The following ZNF362 variants were observed in gnomAD, a reference collection of about 807,000 sequenced individuals.
The protein encoded by ZNF362 is zinc finger protein 362.
In ZNF362, 11 loss-of-function variants were observed where a neutral mutation model predicts 42.9. The ratio of observed to expected loss-of-function variants is 0.26; its 90% confidence interval spans 0.16 to 0.42. The LOEUF is 0.42. Among genes scored for constraint, ZNF362 ranks in the 20% least tolerant of loss-of-function variants. The pLI, the probability that ZNF362 is intolerant of heterozygous loss-of-function variation, is 1.00. For missense variants in ZNF362, 362 were observed against 576.2 expected, an observed-to-expected ratio of 0.63 and a Z score of 3.81; for synonymous variants, 255 against 257.3, an observed-to-expected ratio of 0.99 and a Z score of 0.09.
chr1:33,192,064 G>T, the ZNF362 span, among the ~76,000 whole-genome samples: 12 of 152,154 alleles, frequency 7.9e-5, no homozygotes, highest in African/African-American at 2.7e-4. Context: ...AGACCTATCT[G>T]CCCTCCAGCT....
chr1:33,288,741 C>T (rs1206110018), intron 6 of ZNF362, among the ~76,000 whole-genome samples: 2 of 962 alleles, frequency 2.1e-3, no homozygotes, highest in African/African-American at 3.1e-3. Context: ...GAGACTCTGT[C>T]TCAAAAAAAA....
At chr1:33,176,504 G>A in the ZNF362 span, 41 of 670,180 alleles carry the variant, frequency 6.1e-5, no homozygotes, top group African/African-American at 2.3e-4. Context: ...TGGAGGGGGC[G>A]GCTGAGACTG....
At chr1:33,253,653 C>T (rs1175793888), upstream of ZNF362, among the ~76,000 whole-genome samples, 1 of 152,068 alleles carries the variant, frequency 6.6e-6, no homozygotes, top group Non-Finnish European at 1.5e-5. Context: ...CTTCAGGATC[C>T]TGTCTCCCAT....
the ZNF362 span, among the ~76,000 whole-genome samples, chr1:33,246,394 T>C: frequency 1.3e-5 from 2 of 152,158 alleles, no homozygotes; most frequent in African/African-American, 2.4e-5. Context: ...GCTTGGGTTA[T>C]GTGACCCGCT....
the ZNF362 span, among the ~76,000 whole-genome samples, chr1:33,149,053 C>T: frequency 2.6e-5 from 4 of 152,190 alleles, no homozygotes; most frequent in African/African-American, 9.7e-5. Flanking sequence ...TGCAACCACC[C>T]CCAGAGGCTC....
chr1:33,187,850 G>C, the ZNF362 span, among the ~76,000 whole-genome samples: 1 of 152,236 alleles, frequency 6.6e-6, no homozygotes, highest in African/African-American at 2.4e-5. Flanking sequence ...AAAGGTGAGA[G>C]AGGCCACTCA....
rs148174301 is a variant in ZNF362, at chr1:33,283,799, G to T, written c.908+1988G>T. On this transcript the variant is annotated intron_variant, in intron 6 of 8. Coordinates refer to ENST00000539719, the MANE Select transcript of ZNF362 (RefSeq NM_152493.3). ...CGTTACCATGCCTCCCAAGGCACAA[G>T]TCTGACCATGTAAGTTAGTTTCAGC... is the stretch of plus-strand genomic sequence containing the variant. Among the ~76,000 whole-genome samples the T allele has an allele frequency of 4.6e-4, 70 of 152,340 alleles. No individual in the cohort carries two copies. The East Asian group carries it at 0.013, about 29-fold the overall frequency.
chr1:33,214,819 T>C, the ZNF362 span, among the ~76,000 whole-genome samples: 3 of 152,144 alleles, frequency 2.0e-5, no homozygotes, highest in Non-Finnish European at 2.9e-5. Flanking sequence ...CCAGTTAAAA[T>C]GGCTTTCACT....
intron 6 of ZNF362, chr1:33,282,092 T>G: frequency 2.2e-6 from 1 of 461,394 alleles, no homozygotes; most frequent in Non-Finnish European, 4.0e-6. Flanking sequence ...CCTCTCTCAG[T>G]CTAGCTTCCT....
chr1:33,183,007 ACAGCACT>A, the ZNF362 span, among the ~76,000 whole-genome samples: 5 of 152,198 alleles, frequency 3.3e-5, no homozygotes, highest in South Asian at 1.0e-3. Flanking sequence ...CTGCGGATGC[ACAGCACT>A]CAGCACACAG....
intron 6 of ZNF362, among the ~76,000 whole-genome samples, chr1:33,288,220 C>T (rs1328671084): frequency 1.3e-5 from 2 of 152,272 alleles, no homozygotes; most frequent in South Asian, 2.1e-4. Context: ...TAAGAGGTGG[C>T]AGAAGCAAGA....
At chr1:33,184,555 C>G in the ZNF362 span, among the ~76,000 whole-genome samples, 1 of 152,120 alleles carries the variant, frequency 6.6e-6, no homozygotes, top group Non-Finnish European at 1.5e-5. Flanking sequence ...TTTCTCTTCT[C>G]TTGAGTTGGA....
the ZNF362 span, among the ~76,000 whole-genome samples, chr1:33,219,791 A>G: frequency 6.6e-6 from 1 of 152,212 alleles, no homozygotes; most frequent in South Asian, 2.1e-4. Flanking sequence ...CATCTCTCAC[A>G]CCTGAAAAAC....
the ZNF362 span, among the ~76,000 whole-genome samples, chr1:33,243,251 G>A: frequency 2.6e-5 from 4 of 152,124 alleles, no homozygotes; most frequent in Non-Finnish European, 4.4e-5. Flanking sequence ...CCGCCTCCTG[G>A]GTTCAAGTGA....
intron 4 of ZNF362, among the ~76,000 whole-genome samples, chr1:33,278,844 G>A (rs931166445): frequency 3.3e-5 from 5 of 152,102 alleles, no homozygotes; most frequent in African/African-American, 1.2e-4. Context: ...TAATGAGAGT[G>A]GACCACAGCT....
At chr1:33,276,730 CT>C in intron 4 of ZNF362, 136 bp downstream of exon 4, 1 of 1,147,322 alleles carries the variant, frequency 8.7e-7, no homozygotes, top group South Asian at 2.7e-5. Context: ...GGGCATAAAG[CT>C]TGGAGTGGCG....
chr1:33,192,526 G>T, the ZNF362 span, among the ~76,000 whole-genome samples: 2 of 152,196 alleles, frequency 1.3e-5, no homozygotes, highest in Non-Finnish European at 2.9e-5. Context: ...AGTGGGAATT[G>T]ATAAAGAAAA....
chr1:33,185,379 G>T, the ZNF362 span, among the ~76,000 whole-genome samples: 1 of 151,752 alleles, frequency 6.6e-6, no homozygotes, highest in African/African-American at 2.4e-5. Flanking sequence ...CCGCCACCAC[G>T]CCAAGCTAAT....
At chr1:33,214,936 G>A in the ZNF362 span, among the ~76,000 whole-genome samples, 107,603 of 151,414 alleles carry the variant, frequency 0.71, 38,653 homozygotes, top group Non-Finnish European at 0.76. Context: ...GTAGTTTGAA[G>A]GTTCCTCAAA....
Sources: allele counts gnomAD v4.1 joint callset (sites outside exome capture counted in the v4.1 genomes callset), GRCh38; gene constraint gnomAD v4.1.1; transcripts MANE v1.5; gene names NCBI Gene and HGNC (gene_info 2026-07-23, HGNC 2026-07-21).